OXR1: variants seen among roughly 807,000 people sequenced by gnomAD.
OXR1 encodes oxidation resistance 1.
Under a neutral mutation model 104.6 loss-of-function variants are expected in OXR1, and 41 were observed. The ratio of observed to expected loss-of-function variants is 0.39; its 90% CI spans 0.31 to 0.51. The LOEUF (loss-of-function observed/expected upper bound fraction) is 0.51. Ranked by LOEUF, OXR1 falls within the 20% of genes least tolerant of loss-of-function variation. The probability of loss-of-function intolerance (pLI) is 0.77; values close to 1 mark genes in which losing one functional copy is unlikely to be tolerated. For missense variants in OXR1, 955 were observed against 1,031.9 expected (o/e 0.93, Z 1.02); for synonymous variants, 348 against 348.4 (o/e 1.00, Z 0.01).
chr8:106,347,473 A>C (rs2130294956), intron 1 of OXR1, among the ~76,000 whole-genome samples: 1 of 152,324 alleles, frequency 6.6e-6, no homozygotes, highest in South Asian at 2.1e-4. Context: ...ACTGTCTAAC[A>C]GAGGAAATAT....
At chr8:106,456,907 G>A (rs548308037) in intron 2 of OXR1, among the ~76,000 whole-genome samples, 1 of 152,104 alleles carries the variant, frequency 6.6e-6, no homozygotes. Context: ...GAAAATTCCA[G>A]TTGCATTTAT....
At chr8:106,540,494 AC>A (rs1367698924) in intron 3 of OXR1, among the ~76,000 whole-genome samples, 3 of 152,176 alleles carry the variant, frequency 2.0e-5, no homozygotes, top group Non-Finnish European at 4.4e-5. Context: ...AGAATACACA[AC>A]GTTACAATCA....
intron 2 of OXR1, among the ~76,000 whole-genome samples, chr8:106,425,134 C>T (rs1819062382): frequency 6.8e-6 from 1 of 146,852 alleles, no homozygotes. Flanking sequence ...CTCCCATCGC[C>T]CAGGTAGGAA....
chr8:106,562,285 T>C (rs2130498698), intron 3 of OXR1, among the ~76,000 whole-genome samples: 1 of 152,108 alleles, frequency 6.6e-6, no homozygotes, highest in East Asian at 1.9e-4. Flanking sequence ...ATAAATGACC[T>C]GATAGAGCTG....
At chr8:106,300,651 A>G (rs1329775570) in intron 1 of OXR1, among the ~76,000 whole-genome samples, 2 of 152,190 alleles carry the variant, frequency 1.3e-5, no homozygotes, top group Non-Finnish European at 2.9e-5. Flanking sequence ...CATGTGTGGC[A>G]TAAGGACTGT....
chr8:106,295,568 T>C (rs1812960782), intron 1 of OXR1, among the ~76,000 whole-genome samples: 1 of 152,128 alleles, frequency 6.6e-6, no homozygotes, highest in South Asian at 2.1e-4. Context: ...TTTTCTCTTA[T>C]TTGCTTTAGT....
At chr8:106,474,880 G>A (rs1821717771) in intron 2 of OXR1, among the ~76,000 whole-genome samples, 1 of 151,916 alleles carries the variant, frequency 6.6e-6, no homozygotes, top group Non-Finnish European at 1.5e-5. Context: ...AGAATGAAGA[G>A]GCAGTATAGT....
At chr8:106,371,788 G>A (rs981523327) in intron 2 of OXR1, among the ~76,000 whole-genome samples, 1 of 152,208 alleles carries the variant, frequency 6.6e-6, no homozygotes, top group Non-Finnish European at 1.5e-5. Flanking sequence ...CTCACCCAAT[G>A]AGGAAGGATA....
intron 2 of OXR1, among the ~76,000 whole-genome samples, chr8:106,515,668 CTTTT>C (rs1039734820): frequency 6.6e-6 from 1 of 151,890 alleles, no homozygotes; most frequent in African/African-American, 2.4e-5. Context: ...TCTTAAACTG[CTTTT>C]TTTATTATTA....
rs1337582877 is a variant in OXR1, at chr8:106,519,126, G to T, written c.207G>T (p.Arg69Ser). ...KHPSRRSELK[R>S]FYTIDTGQKK... ...CTTCCAGAAGGAGCGAACTGAAGAGGTTCTACACAATTGGTGAGCACCAGA... is the reference window on the plus strand; with the variant it reads ...CTTCCAGAAGGAGCGAACTGAAGAGTTTCTACACAATTGGTGAGCACCAGA... The change falls in exon 3 of 17, where the codon AGG becomes AGT. Residue 69 changes from arginine (R) to serine (S), a missense_variant. By Grantham distance (110) the Arg-to-Ser change is moderately radical. This residue lies in a region of OXR1 where 849 missense variants were observed against 852.9 expected (regional missense o/e 1.00). Coordinates refer to ENST00000517566, the MANE Select transcript of OXR1 (RefSeq NM_001198533.2). The T allele has an allele frequency of 1.3e-6, 2 of 1,550,598 alleles. No individual in the cohort carries two copies.
rs571239334 is a variant in OXR1 at position 106,338,276 on chromosome 8, C to CA, written c.-138-21192dup. On this transcript the variant is annotated intron_variant, in intron 1 of 16. Coordinates refer to ENST00000517566, the MANE Select transcript of OXR1 (RefSeq NM_001198533.2). The stretch of plus-strand genomic sequence containing the variant: ...GAAGTCCAGTCTGCTTTGCCCCTTA[C>CA]AAAAAAAAGTAATCTAGGGCTGGGC... 5.9e-5 allele frequency among the ~76,000 whole-genome samples: 9 copies of CA among 151,750 alleles called. No individual in the cohort carries two copies. The South Asian group carries it at 1.0e-3, about 18-fold the overall frequency.
chr8:106,566,858 C>T (rs1200055705), intron 3 of OXR1, among the ~76,000 whole-genome samples: 8 of 152,090 alleles, frequency 5.3e-5, no homozygotes, highest in Admixed American at 3.9e-4. Context: ...AGCAAACTAA[C>T]ACAGGAACAG....
At chr8:106,525,669 A>G (rs1370640712) in intron 3 of OXR1, among the ~76,000 whole-genome samples, 1 of 152,200 alleles carries the variant, frequency 6.6e-6, no homozygotes, top group Non-Finnish European at 1.5e-5. Flanking sequence ...ATAGGTCCAA[A>G]AGGGGGGCTC....
chr8:106,544,172 CT>C (rs1563594038), intron 3 of OXR1, among the ~76,000 whole-genome samples: 4 of 150,062 alleles, frequency 2.7e-5, no homozygotes. Context: ...CTTATCCTGT[CT>C]CTTAATTGTA....
intron 3 of OXR1, among the ~76,000 whole-genome samples, chr8:106,519,901 G>C (rs1813136974): frequency 6.6e-6 from 1 of 152,126 alleles, no homozygotes; most frequent in Non-Finnish European, 1.5e-5. Flanking sequence ...CTTTGGCCTT[G>C]CTTTTTAATG....
intron 2 of OXR1, among the ~76,000 whole-genome samples, chr8:106,518,171 G>T (rs936373992): frequency 9.9e-5 from 15 of 152,138 alleles, no homozygotes; most frequent in African/African-American, 3.6e-4. Flanking sequence ...AAAGAAAATT[G>T]CCACCATCTT....
At chr8:106,358,606 T>G (rs1816089060) in intron 1 of OXR1, among the ~76,000 whole-genome samples, 2 of 152,232 alleles carry the variant, frequency 1.3e-5, no homozygotes, top group Non-Finnish European at 2.9e-5. Context: ...GGTATTTGTT[T>G]AATTGAAAAA....
chr8:106,296,188 C>A (rs1292123440), intron 1 of OXR1, among the ~76,000 whole-genome samples: 1 of 152,078 alleles, frequency 6.6e-6, no homozygotes, highest in South Asian at 2.1e-4. Flanking sequence ...CACTGTACTC[C>A]CAGTCCCTTC....
chr8:106,733,666 G>C (rs1467119446), intron 11 of OXR1, among the ~76,000 whole-genome samples: 9 of 151,398 alleles, frequency 5.9e-5, no homozygotes. Context: ...AATTAGCCGT[G>C]CGTGGTGGCA....
Sources: allele counts gnomAD v4.1 joint callset (sites outside exome capture counted in the v4.1 genomes callset), GRCh38; gene constraint gnomAD v4.1.1; regional missense constraint gnomAD v4.1.1; transcripts MANE v1.5; gene names NCBI Gene and HGNC (gene_info 2026-07-23, HGNC 2026-07-21).